The following HSD17B4 variants were observed in gnomAD, a reference collection of about 807,000 sequenced individuals.
HSD17B4 encodes the protein peroxisomal multifunctional enzyme type 2.
In HSD17B4, 70 loss-of-function variants were observed where a neutral mutation model predicts 101.0. That is an observed-to-expected ratio of 0.69 (90% confidence interval 0.57 to 0.85). The LOEUF (loss-of-function observed/expected upper bound fraction) is 0.85, where lower values mean the gene tolerates loss of function less well. HSD17B4 is among the 40% of genes least tolerant of loss of function. HSD17B4 has a pLI of 0.00. For missense variants in HSD17B4, 984 were observed against 892.4 expected (o/e 1.10, Z -1.31); for synonymous variants, 347 against 297.1 (o/e 1.17, Z -1.73).
chr5:119,458,276 G>A (rs974560226), intron 2 of HSD17B4, among the ~76,000 whole-genome samples: 1 of 151,830 alleles, frequency 6.6e-6, no homozygotes, highest in Non-Finnish European at 1.5e-5. Flanking sequence ...TAAAGTCTGT[G>A]TCTTACCTGT....
Position 119,509,260 on chromosome 5 carries a change from G to A in HSD17B4, c.1437+16G>A, listed in dbSNP as rs761027836. The A allele has an allele frequency of 7.1e-7, 1 of 1,415,414 alleles. No individual in the cohort carries two copies. Among genetic ancestry groups the A allele is most frequent in the South Asian group, 1.1e-5 (1 of 87,006 alleles). The allele number at this position is 1,415,414 out of a possible 1,614,324, so 87.7% of individuals were successfully genotyped here. ...CAAAGTCAAGGTAAGCCATGACTTT[G>A]TAAGCAAAATATATGTGTAGTTAAG... On this transcript the variant is annotated intron_variant, in intron 16 of 23. Transcript: ENST00000510025.
intron 14 of HSD17B4, among the ~76,000 whole-genome samples, chr5:119,504,545 ATTT>A: frequency 6.6e-6 from 1 of 151,902 alleles, no homozygotes; most frequent in East Asian, 1.9e-4. Context: ...GTTATGAAGC[ATTT>A]TTTTTATGTT....
chr5:119,457,662 T>A (rs113436960), intron 2 of HSD17B4, among the ~76,000 whole-genome samples: 218 of 108,470 alleles, frequency 2.0e-3, no homozygotes, highest in African/African-American at 6.9e-3. Flanking sequence ...TATTTTTAAT[T>A]TTCCTTCCTT....
intron 17 of HSD17B4, among the ~76,000 whole-genome samples, chr5:119,517,786 G>A (rs556340776): frequency 1.2e-3 from 177 of 152,146 alleles, no homozygotes; most frequent in African/African-American, 4.0e-3. Context: ...GCACCAATCG[G>A]CACTCTGTAT....
intron 10 of HSD17B4, 32 bp from the exon 11 acceptor site, chr5:119,493,786 G>T (rs752030017): frequency 1.9e-6 from 3 of 1,603,952 alleles, no homozygotes; most frequent in South Asian, 2.2e-5. Flanking sequence ...TCAACTATGT[G>T]CTCAGTATGT....
intron 23 of HSD17B4, among the ~76,000 whole-genome samples, chr5:119,538,119 C>G (rs1222291564): frequency 6.6e-6 from 1 of 152,160 alleles, no homozygotes; most frequent in African/African-American, 2.4e-5. Flanking sequence ...GTCAAACTTA[C>G]TGTGACCAAA....
chr5:119,473,507 A>G (rs767081483), intron 2 of HSD17B4, among the ~76,000 whole-genome samples: 11 of 151,614 alleles, frequency 7.3e-5, no homozygotes, highest in Non-Finnish European at 1.3e-4. Context: ...TTTAGTAGAG[A>G]TGAAATCTTG....
At chr5:119,514,539 C>G (rs1339471583) in intron 16 of HSD17B4, among the ~76,000 whole-genome samples, 1 of 152,036 alleles carries the variant, frequency 6.6e-6, no homozygotes, top group East Asian at 1.9e-4. Flanking sequence ...CATAATAATT[C>G]AAATATTTTT....
At chr5:119,527,039 T>A in intron 19 of HSD17B4, 94 bp from the exon 20 acceptor site, 1 of 729,484 alleles carries the variant, frequency 1.4e-6, no homozygotes, top group East Asian at 2.6e-5. Context: ...TTTTTTTTCT[T>A]TTGTGCTCTC....
chr5:119,496,522 GTTTTTCA>G lies in HSD17B4; in HGVS notation c.869-9_869-3del, dbSNP rs758926569. The G allele has an allele frequency of 6.5e-6, 8 of 1,228,146 alleles. No homozygotes were observed. In the East Asian group the frequency reaches 9.3e-5, roughly 14 times the overall value. The allele number at this position is 1,228,146 out of a possible 1,614,324, so 76.1% of individuals were successfully genotyped here. A position where few individuals can be genotyped will look rare whatever the true frequency, so the allele number is the denominator to read the frequency against. ...TCTTTAACAAAGCTTTATTTTTTTT[GTTTTTCA>G]TTTTTCATTTTAGAATCAACTGGCA... On this transcript the variant is annotated splice_polypyrimidine_tract_variant and intron_variant, in intron 11 of 23. Coordinates refer to ENST00000510025, the MANE Select transcript of HSD17B4 (RefSeq NM_000414.4).
chr5:119,512,998 G>GTT (rs1229695115), intron 16 of HSD17B4, among the ~76,000 whole-genome samples: 2 of 152,170 alleles, frequency 1.3e-5, no homozygotes, highest in African/African-American at 4.8e-5. Context: ...CAGTAAAGCT[G>GTT]TTTGAAAAAT....
At chr5:119,517,189 G>A (rs958727785) in intron 17 of HSD17B4, among the ~76,000 whole-genome samples, 9 of 152,328 alleles carry the variant, frequency 5.9e-5, no homozygotes, top group East Asian at 1.9e-4. Context: ...TGGCGGGCCC[G>A]GCACTCAGAG....
intron 16 of HSD17B4, among the ~76,000 whole-genome samples, chr5:119,512,220 T>C (rs1426601678): frequency 6.6e-6 from 1 of 152,082 alleles, no homozygotes; most frequent in Non-Finnish European, 1.5e-5. Flanking sequence ...TAGAGAAAGA[T>C]GGAGTATCAC....
In HSD17B4 at chr5:119,493,918, G is replaced by GA; in HGVS notation, c.842dup (p.Asn281LysfsTer17). ...ACTGGAAGAAGATCTGTGACTTTGA[G>GA]AATGCCAGCAAGCCTCAGAGTATCC... On this transcript the variant is annotated frameshift_variant, in exon 11 of 24. Transcript: ENST00000510025. LOFTEE classifies it high-confidence loss of function. The GA allele has an allele frequency of 6.2e-7, 1 of 1,613,400 alleles. No individual in the cohort carries two copies. The highest frequency in any genetic ancestry group is 2.2e-5 in the East Asian group (1 of 44,858).
intron 17 of HSD17B4, among the ~76,000 whole-genome samples, chr5:119,519,846 C>G (rs1752958300): frequency 6.6e-6 from 1 of 152,152 alleles, no homozygotes; most frequent in Admixed American, 6.5e-5. Context: ...TCTGCTTCTA[C>G]TAAACGATCA....
chr5:119,507,896 T>G (rs1751807190), intron 15 of HSD17B4, among the ~76,000 whole-genome samples: 1 of 152,152 alleles, frequency 6.6e-6, no homozygotes, highest in Non-Finnish European at 1.5e-5. Flanking sequence ...AGATATTTGT[T>G]GTCAGTGATT....
chr5:119,519,906 A>G (rs1409214403), intron 17 of HSD17B4, among the ~76,000 whole-genome samples: 2 of 152,196 alleles, frequency 1.3e-5, no homozygotes, highest in African/African-American at 2.4e-5. Context: ...CTTCTTTTAC[A>G]TCCTCTGGTC....
chr5:119,522,707 T>A (rs1034095376), intron 17 of HSD17B4, among the ~76,000 whole-genome samples: 1 of 152,130 alleles, frequency 6.6e-6, no homozygotes, highest in African/African-American at 2.4e-5. Context: ...TAAATTATCT[T>A]TCAGGATCAT....
chr5:119,521,911 C>T (rs1753146106), intron 17 of HSD17B4, among the ~76,000 whole-genome samples: 1 of 147,134 alleles, frequency 6.8e-6, no homozygotes, highest in Non-Finnish European at 1.5e-5. Context: ...TTTGCATTTT[C>T]AGTTTTGGTT....
Sources: allele counts gnomAD v4.1 joint callset (sites outside exome capture counted in the v4.1 genomes callset), GRCh38; gene constraint gnomAD v4.1.1; transcripts MANE v1.5; gene names NCBI Gene and HGNC (gene_info 2026-07-23, HGNC 2026-07-21).